DUOX1: variants seen among roughly 807,000 people sequenced by gnomAD.
DUOX1 encodes dual oxidase 1.
A neutral mutation model predicts 181.8 loss-of-function variants in DUOX1; 134 were observed. The ratio of observed to expected loss-of-function variants is 0.74; its 90% CI spans 0.64 to 0.85. The LOEUF is 0.85. Ranked by LOEUF, DUOX1 falls within the 40% of genes least tolerant of loss-of-function variation. DUOX1 has a pLI of 0.00. For synonymous variants in DUOX1, 798 were observed against 832.5 expected (o/e 0.96, Z 0.71); for missense variants, 1,814 against 2,064.4 (o/e 0.88, Z 2.35).
rs967595360 is a variant in DUOX1, at chr15:45,165,291, G to A, written c.*390G>A. The A allele has an allele frequency of 5.5e-6, 1 of 181,966 alleles. No individual in the cohort carries two copies. Among genetic ancestry groups the A allele is most frequent in the Non-Finnish European group, 1.1e-5 (1 of 87,990 alleles). 11.3% of individuals were successfully genotyped at this position (181,966 alleles called of 1,614,324 possible). A position where few individuals can be genotyped will look rare whatever the true frequency, so the allele number is the denominator to read the frequency against. ...GTAAGGATGCAGTGGGAGCATGGAT[G>A]CTGGCATCTTAGAACCCTCCCTACT... is the stretch of plus-strand genomic sequence containing the variant. On this transcript the variant is annotated 3_prime_UTR_variant, in exon 34 of 34. Transcript: ENST00000389037.
intron 19 of DUOX1, 37 bp downstream of exon 19, chr15:45,147,695 G>C: frequency 3.1e-6 from 5 of 1,611,928 alleles, no homozygotes; most frequent in Non-Finnish European, 4.2e-6. Flanking sequence ...GGCTGGACAG[G>C]GGCTGATCTG....
In DUOX1 at chr15:45,143,250, A is replaced by G. The variant is rs770161163; in HGVS notation, c.1883A>G (p.Gln628Arg). ...CGGATGAGAAATTTCAAGAGGCTCC[A>G]GGGCCAGGACCGCCAGAGCATCGTG... ...RLRMRNFKRL[Q>R]GQDRQSIVSE... Residue 628 changes from glutamine to arginine, a missense_variant, in exon 16 of 34, where the codon CAG (glutamine) becomes CGG (arginine). Physicochemically the swap from Gln to Arg is conservative, Grantham distance 43. Coordinates refer to ENST00000389037, the MANE Select transcript of DUOX1 (RefSeq NM_175940.3). 5.6e-6 allele frequency: 9 copies of G among 1,614,136 alleles called. No homozygotes were observed. Among genetic ancestry groups the G allele is most frequent in the Non-Finnish European group, 7.6e-6 (9 of 1,180,018 alleles).
chr15:45,138,078 A>AGG, intron 10 of DUOX1, 64 bp downstream of exon 10: 1 of 547,328 alleles, frequency 1.8e-6, no homozygotes, highest in African/African-American at 2.0e-5. Context: ...GTGTGTGTGT[A>AGG]TGTGTGTGTG....
chr15:45,151,829 G>A (rs1177857005), intron 23 of DUOX1, 45 bp from the exon 24 acceptor site: 2 of 1,572,448 alleles, frequency 1.3e-6, no homozygotes, highest in Non-Finnish European at 8.6e-7. Context: ...CACTAGCGTT[G>A]GGTCCCATGG....
chr15:45,151,672 C>T (rs1302039583), intron 23 of DUOX1, among the ~76,000 whole-genome samples: 1 of 152,114 alleles, frequency 6.6e-6, no homozygotes, highest in East Asian at 1.9e-4. Flanking sequence ...CCAAGCCATC[C>T]CTCCACTGCC....
At chr15:45,150,812 A>G in intron 22 of DUOX1, 111 bp downstream of exon 22, 1 of 1,055,710 alleles carries the variant, frequency 9.5e-7, no homozygotes, top group Non-Finnish European at 1.4e-6. Flanking sequence ...CTTCAAACAA[A>G]TTAGAAAAGG....
In DUOX1 at chr15:45,162,223, A is replaced by G. The variant is rs1235048973; in HGVS notation, c.4094A>G (p.Tyr1365Cys). The change falls in exon 31 of 34, where the codon TAC (tyrosine) becomes TGC (cysteine). Residue 1365 changes from tyrosine to cysteine, a missense_variant. Tyr to Cys is a radical substitution (Grantham distance 194). Around this residue, in one of 5 missense-constraint regions of DUOX1, gnomAD observed 279 missense variants for 381.9 expected, o/e 0.73. Coordinates refer to ENST00000389037, the MANE Select transcript of DUOX1 (RefSeq NM_175940.3). ...GDRCARYPKL[Y>C]LDGPFGEGHQ... ...AACCCACGCCCCTCCCTACAGCTGT[A>G]CCTTGATGGACCATTTGGAGAGGGC... 6.8e-6 allele frequency: 11 copies of G among 1,608,228 alleles called. No individual in the cohort carries two copies. Among genetic ancestry groups the G allele is most frequent in the Middle Eastern group, 1.7e-4 (1 of 6,048 alleles).
intron 10 of DUOX1, 56 bp from the exon 11 acceptor site, chr15:45,139,010 C>A: frequency 6.6e-7 from 1 of 1,513,074 alleles, no homozygotes; most frequent in Non-Finnish European, 9.0e-7. Flanking sequence ...AGCCGGCTGT[C>A]TAACCTCTGA....
In DUOX1 at chr15:45,164,614, G is replaced by A. The variant is rs532867865; in HGVS notation, c.4534-165G>A. ...CTCCCAAGTAGCTGGGACTACAGGAGTGCACCACTATGCCTGGCTAATTAA... is the reference window on the plus strand; with the variant it reads ...CTCCCAAGTAGCTGGGACTACAGGAATGCACCACTATGCCTGGCTAATTAA... On this transcript the variant is annotated intron_variant, in intron 33 of 33. Transcript: ENST00000389037. Among the ~76,000 whole-genome samples the A allele has an allele frequency of 9.2e-5, 14 of 152,180 alleles. No individual in the cohort carries two copies. The East Asian group carries it at 2.7e-3, about 29-fold the overall frequency.
chr15:45,139,162 G>A lies in DUOX1; in HGVS notation c.1210G>A (p.Val404Met). The change falls in exon 11 of 34, where the codon GTG becomes ATG. Residue 404 changes from valine to methionine, a missense_variant. Val to Met is a conservative substitution (Grantham distance 21). Transcript: ENST00000389037. The stretch of plus-strand genomic sequence containing the variant: ...AGAGGACCATGTGTTGGTTGAAGAT[G>A]TGCGGGGTGAGTCTGAGGCTGTCCC... ...EREDHVLVED[V>M]RDFWPGPLKF... 6.2e-7 allele frequency: 1 copy of A among 1,614,188 alleles called. No individual in the cohort carries two copies. Among genetic ancestry groups the A allele is most frequent in the South Asian group, 1.1e-5 (1 of 91,084 alleles).
At chr15:45,138,103 TGTGA>T in intron 10 of DUOX1, 89 bp downstream of exon 10, 6 of 1,011,922 alleles carry the variant, frequency 5.9e-6, no homozygotes, top group East Asian at 5.9e-5. Flanking sequence ...TGTGTGTGTG[TGTGA>T]GTGCATGGTG....
chr15:45,140,646 G>A (rs1395889736), intron 12 of DUOX1: 3 of 402,756 alleles, frequency 7.4e-6, no homozygotes, highest in East Asian at 3.8e-5. Context: ...TTATGAATGC[G>A]GATTGGCTGG....
At chr15:45,135,004 T>C in intron 4 of DUOX1, 100 bp from the exon 5 acceptor site, 1 of 1,420,998 alleles carries the variant, frequency 7.0e-7, no homozygotes, top group Non-Finnish European at 9.6e-7. Context: ...GGCTGCTGAG[T>C]CTTTTGAAGC....
rs750542848 is a variant in DUOX1 at position 45,152,015 on chromosome 15, C to T, written c.3156C>T (p.Tyr1052=). Residue 1052 remains tyrosine (Y), a synonymous_variant, in exon 24 of 34, where the codon TAC becomes TAT. Transcript: ENST00000389037. The part of the protein sequence containing the change: ...RRHIGCVAVF[Y]AIAGGLFLER... The stretch of plus-strand genomic sequence containing the variant: ...ACATCGGCTGCGTGGCCGTGTTCTA[C>T]GCCATCGCTGGGGGGCTTTTCCTGG... 20 of 1,614,100 alleles carry T rather than the reference C, an allele frequency of 1.2e-5. No individual in the cohort carries two copies. The South Asian group carries it at 2.2e-4, about 18-fold the overall frequency.
rs1896442787 is a variant in DUOX1, at chr15:45,139,688, A to G, written c.1389+89A>G. On this transcript the variant is annotated intron_variant, in intron 12 of 33. Transcript: ENST00000389037. ...GGAAGATAGGCAGTGAAACTTGAGCACAAGAGACAAGCACCTAATGGGAGG... is the reference window on the plus strand; with the variant it reads ...GGAAGATAGGCAGTGAAACTTGAGCGCAAGAGACAAGCACCTAATGGGAGG... 1.2e-5 allele frequency: 16 copies of G among 1,379,534 alleles called. No homozygotes were observed. The South Asian group carries it at 2.1e-4, about 18-fold the overall frequency. 85.5% of individuals were successfully genotyped at this position (1,379,534 alleles called of 1,614,324 possible).
chr15:45,161,745 C>G lies in DUOX1; in HGVS notation c.3864C>G (p.Thr1288=). 6.2e-7 allele frequency: 1 copy of G among 1,613,434 alleles called. No homozygotes were observed. Among genetic ancestry groups the G allele is most frequent in the Non-Finnish European group, 8.5e-7 (1 of 1,179,998 alleles). ...VKAELLPSGV[T]HLRFQRPQGF... is the part of the protein sequence containing the mutation. ...CCCACCATCCCTCCCCAGGAGTGAC[C>G]CACCTGCGGTTCCAGCGGCCCCAGG... is the stretch of plus-strand genomic sequence containing the variant. Residue 1288 remains threonine (T), a synonymous_variant, in exon 30 of 34, where the codon ACC becomes ACG. Coordinates refer to ENST00000389037, the MANE Select transcript of DUOX1 (RefSeq NM_175940.3).
intron 27 of DUOX1, among the ~76,000 whole-genome samples, chr15:45,154,314 C>G (rs1896911911): frequency 6.6e-6 from 1 of 152,142 alleles, no homozygotes; most frequent in Admixed American, 6.5e-5. Context: ...TACCTCTTCC[C>G]CCAATACACA....
chr15:45,134,121 T>C (rs374046814), intron 3 of DUOX1, 24 bp from the exon 4 acceptor site: 8 of 1,548,644 alleles, frequency 5.2e-6, no homozygotes, highest in Non-Finnish European at 6.9e-6. Context: ...AGATTCATCC[T>C]TATCCTTACC....
chr15:45,156,089 C>T (rs1341318993), intron 28 of DUOX1, among the ~76,000 whole-genome samples, 160 bp downstream of exon 28: 1 of 152,230 alleles, frequency 6.6e-6, no homozygotes, highest in East Asian at 1.9e-4. Flanking sequence ...GTACAGGGCT[C>T]TCCATTAGGA....
Sources: allele counts gnomAD v4.1 joint callset (sites outside exome capture counted in the v4.1 genomes callset), GRCh38; gene constraint gnomAD v4.1.1; regional missense constraint gnomAD v4.1.1; transcripts MANE v1.5; gene names NCBI Gene and HGNC (gene_info 2026-07-23, HGNC 2026-07-21).